The following HLCS variants were observed in gnomAD, a reference collection of about 807,000 sequenced individuals.
The protein encoded by HLCS is holocarboxylase synthetase, also known as biotin--protein ligase.
In HLCS, 53 loss-of-function variants were observed where a neutral mutation model predicts 75.0. The ratio of observed to expected loss-of-function variants is 0.71; its 90% CI spans 0.57 to 0.89. HLCS has a LOEUF of 0.89. Among genes scored for constraint, HLCS ranks in the 40% least tolerant of loss-of-function variants. The pLI is 0.00. For missense variants in HLCS, 966 were observed against 1,074.0 expected (o/e 0.90, Z 1.41); for synonymous variants, 431 against 428.6 (o/e 1.01, Z -0.07).
intron 6 of HLCS, among the ~76,000 whole-genome samples, chr21:36,858,482 G>T (rs909793457): frequency 7.2e-5 from 11 of 152,212 alleles, no homozygotes; most frequent in South Asian, 2.1e-4. Flanking sequence ...AAACAGCACT[G>T]AATATGTTTA....
At chr21:36,926,741 CTTT>C (rs34057978) in intron 5 of HLCS, among the ~76,000 whole-genome samples, 9 of 127,032 alleles carry the variant, frequency 7.1e-5, no homozygotes, top group Admixed American at 2.6e-4. Context: ...GTCTTGTTTC[CTTT>C]TTTTTTTTTT....
chr21:36,763,077 T>C (rs1014233748), intron 8 of HLCS, among the ~76,000 whole-genome samples: 3 of 152,154 alleles, frequency 2.0e-5, no homozygotes, highest in African/African-American at 7.2e-5. Flanking sequence ...CAGGCTGGAG[T>C]GCAATGGCAC....
Position 36,937,029 on chromosome 21 carries a change from A to C in HLCS, c.857T>G (p.Leu286Trp). 2 of 1,613,990 alleles carry C rather than the reference A, an allele frequency of 1.2e-6. No individual in the cohort carries two copies. The highest frequency in any genetic ancestry group is 1.7e-6 in the Non-Finnish European group (2 of 1,179,982). The change falls in exon 4 of 11, where the codon TTG (leucine) becomes TGG (tryptophan). Residue 286 changes from leucine (L) to tryptophan (W), a missense_variant. Physicochemically the swap from Leu to Trp is moderately conservative, Grantham distance 61. Coordinates refer to ENST00000674895, the MANE Select transcript of HLCS (RefSeq NM_001352514.2). ...PDLPYDYSSS[L>W]ESVADETSPE... Reference sequence around the variant, plus strand: ...GGAGGTCTCATCAGCAACACTCTCCAAACTGCTGCTATAATCGTAGGGAAG... The same window carrying C: ...GGAGGTCTCATCAGCAACACTCTCCCAACTGCTGCTATAATCGTAGGGAAG...
At chr21:36,915,809 G>A (rs1330966187) in intron 5 of HLCS, among the ~76,000 whole-genome samples, 5 of 151,146 alleles carry the variant, frequency 3.3e-5, no homozygotes, top group African/African-American at 1.2e-4. Flanking sequence ...TATTTATCCT[G>A]CTTTCCCAGA....
intron 6 of HLCS, among the ~76,000 whole-genome samples, chr21:36,772,766 C>T (rs1300294801): frequency 6.6e-6 from 1 of 151,912 alleles, no homozygotes; most frequent in Admixed American, 6.6e-5. Context: ...GGGCAGATCA[C>T]GAGGTCAAGA....
At chr21:36,816,506 G>A (rs149171024) in intron 6 of HLCS, among the ~76,000 whole-genome samples, 2 of 152,246 alleles carry the variant, frequency 1.3e-5, no homozygotes, top group East Asian at 1.9e-4. Flanking sequence ...TTAATACCTT[G>A]TCACTGTAGT....
At chr21:36,956,557 T>C (rs928524992) in intron 2 of HLCS, among the ~76,000 whole-genome samples, 5 of 151,858 alleles carry the variant, frequency 3.3e-5, no homozygotes, top group South Asian at 4.2e-4. Context: ...TGAAACCCCA[T>C]CTCTACTAAA....
At chr21:36,771,737 G>T (rs537232975) in intron 6 of HLCS, among the ~76,000 whole-genome samples, 2 of 152,116 alleles carry the variant, frequency 1.3e-5, no homozygotes, top group South Asian at 2.1e-4. Context: ...GGTGGCTCAC[G>T]CCTATAATCC....
intron 6 of HLCS, among the ~76,000 whole-genome samples, chr21:36,774,532 C>G (rs932598486): frequency 3.9e-5 from 6 of 152,288 alleles, no homozygotes; most frequent in Admixed American, 3.9e-4. Flanking sequence ...CAAGCAGCGC[C>G]TCCCCTTACC....
chr21:36,771,036 G>A (rs902885012), intron 6 of HLCS, among the ~76,000 whole-genome samples: 12 of 151,834 alleles, frequency 7.9e-5, no homozygotes, highest in Non-Finnish European at 1.8e-4. Context: ...TGGCTAACAC[G>A]GTGAAACCCC....
At chr21:36,794,751 G>A (rs890281933) in intron 6 of HLCS, among the ~76,000 whole-genome samples, 8 of 152,108 alleles carry the variant, frequency 5.3e-5, no homozygotes, top group Admixed American at 5.2e-4. Context: ...AAAGAGATGT[G>A]TTCTGCACAT....
intron 5 of HLCS, among the ~76,000 whole-genome samples, chr21:36,921,926 C>A (rs764425065): frequency 6.6e-6 from 1 of 152,202 alleles, no homozygotes; most frequent in Non-Finnish European, 1.5e-5. Context: ...TCCACAAAGG[C>A]ACGTTCTATC....
intron 2 of HLCS, among the ~76,000 whole-genome samples, chr21:36,953,238 A>G (rs1364148317): frequency 6.6e-6 from 1 of 152,208 alleles, no homozygotes; most frequent in Non-Finnish European, 1.5e-5. Flanking sequence ...CTGGGACCAC[A>G]GGCGGGAGCC....
At chr21:36,767,410 G>T (rs569309274) in intron 6 of HLCS, 125 bp from the exon 7 acceptor site, 29 of 846,316 alleles carry the variant, frequency 3.4e-5, no homozygotes, top group South Asian at 3.0e-4. Context: ...GGCCAACTTT[G>T]GTTCCACTGG....
At chr21:36,849,736 C>T (rs2062924034) in intron 6 of HLCS, among the ~76,000 whole-genome samples, 1 of 152,236 alleles carries the variant, frequency 6.6e-6, no homozygotes, top group Admixed American at 6.5e-5. Context: ...ACCTTCCCCT[C>T]GGCATTGAGA....
intron 6 of HLCS, among the ~76,000 whole-genome samples, chr21:36,858,433 A>G (rs965476874): frequency 2.0e-5 from 3 of 152,224 alleles, no homozygotes; most frequent in South Asian, 4.1e-4. Flanking sequence ...GGAAAGATCA[A>G]TGTCTTACAG....
rs1038526586 is a variant in HLCS at position 36,752,837 on chromosome 21, G to A, written c.*1409C>T. The A allele has an allele frequency of 2.6e-5, 4 of 152,210 alleles. No individual in the cohort carries two copies. The highest frequency in any genetic ancestry group is 9.7e-5 in the African/African-American group (4 of 41,422). The allele number at this position is 152,210 out of a possible 1,614,324, so 9.4% of individuals were successfully genotyped here. On this transcript the variant is annotated 3_prime_UTR_variant, in exon 11 of 11. Transcript: ENST00000674895. ...CAAGTTTCTGGAATTAGCCTGACTGGGTAAGACCTGGATAAAGATGGTGCT... is the reference window on the plus strand; with the variant it reads ...CAAGTTTCTGGAATTAGCCTGACTGAGTAAGACCTGGATAAAGATGGTGCT...
At chr21:36,847,368 GCA>G (rs2062832581) in intron 6 of HLCS, among the ~76,000 whole-genome samples, 1 of 152,164 alleles carries the variant, frequency 6.6e-6, no homozygotes, top group Admixed American at 6.5e-5. Context: ...CTGAGTTCTA[GCA>G]CAGACTCGTT....
chr21:36,769,157 G>A (rs2090144299), intron 6 of HLCS, among the ~76,000 whole-genome samples: 1 of 152,172 alleles, frequency 6.6e-6, no homozygotes, highest in African/African-American at 2.4e-5. Flanking sequence ...GGGAACATAT[G>A]CACTAAACTG....
Sources: gnomAD v4.1 joint callset for allele counts (sites outside exome capture counted in the v4.1 genomes callset) on GRCh38, gnomAD v4.1.1 for gene constraint, MANE v1.5 for transcripts, NCBI Gene and HGNC (gene_info 2026-07-23, HGNC 2026-07-21) for gene names.